The following ARHGEF10 variants were observed in gnomAD, a reference collection of about 807,000 sequenced individuals.
The protein encoded by ARHGEF10 is Rho guanine nucleotide exchange factor (GEF) 10.
In ARHGEF10, 140 loss-of-function variants were observed where a neutral mutation model predicts 147.4. That is an observed-to-expected ratio of 0.95 (90% CI 0.83 to 1.09). The LOEUF (loss-of-function observed/expected upper bound fraction) is 1.09. ARHGEF10 is among the 50% of genes least tolerant of loss of function. The pLI, the probability that ARHGEF10 is intolerant of heterozygous loss-of-function variation, is 0.00. For synonymous variants in ARHGEF10, 902 were observed against 695.8 expected, an observed-to-expected ratio of 1.30 and a Z score of -4.67; for missense variants, 2,222 against 1,752.7, an observed-to-expected ratio of 1.27 and a Z score of -4.78.
chr8:1,873,944 G>A (rs1200792844), intron 7 of ARHGEF10, among the ~76,000 whole-genome samples: 1 of 152,050 alleles, frequency 6.6e-6, no homozygotes, highest in Non-Finnish European at 1.5e-5. Flanking sequence ...CATTAGGTAC[G>A]CTCACTGTAC....
At chr8:1,878,871 C>T (rs917826752) in intron 8 of ARHGEF10, among the ~76,000 whole-genome samples, 1 of 152,038 alleles carries the variant, frequency 6.6e-6, no homozygotes, top group Non-Finnish European at 1.5e-5. Flanking sequence ...GTTTGTGGTG[C>T]AGAATTACAA....
chr8:1,865,102 C>T (rs1473546448), intron 5 of ARHGEF10, among the ~76,000 whole-genome samples: 1 of 152,182 alleles, frequency 6.6e-6, no homozygotes, highest in East Asian at 1.9e-4. Flanking sequence ...AATAGTGTTT[C>T]TGTTTGATTC....
chr8:1,891,620 T>C (rs1441991709), intron 11 of ARHGEF10, among the ~76,000 whole-genome samples: 1 of 152,168 alleles, frequency 6.6e-6, no homozygotes, highest in Admixed American at 6.5e-5. Context: ...GCCCTGGCTT[T>C]GTCCAGTTGC....
At chr8:1,845,283 C>G (rs1238615202) in intron 2 of ARHGEF10, among the ~76,000 whole-genome samples, 2 of 149,536 alleles carry the variant, frequency 1.3e-5, no homozygotes, top group African/African-American at 5.0e-5. Flanking sequence ...GGGCGGCTGT[C>G]CCTCCAGGGG....
At chr8:1,921,240 A>G (rs182305885) in intron 18 of ARHGEF10, among the ~76,000 whole-genome samples, 1 of 152,232 alleles carries the variant, frequency 6.6e-6, no homozygotes, top group African/African-American at 2.4e-5. Flanking sequence ...TGGTTATGCT[A>G]CTCCTCAGTT....
intron 3 of ARHGEF10, among the ~76,000 whole-genome samples, chr8:1,858,319 G>A (rs1453380354): frequency 2.0e-5 from 3 of 152,136 alleles, no homozygotes; most frequent in African/African-American, 2.4e-5. Flanking sequence ...CTCAGCCATC[G>A]GACTCGCCGA....
rs148386025 is a variant in ARHGEF10, at chr8:1,928,669, G to C, written c.2921+19G>C. 2.5e-6 allele frequency: 4 copies of C among 1,612,858 alleles called. No homozygotes were observed. Among genetic ancestry groups the C allele is most frequent in the Non-Finnish European group, 3.4e-6 (4 of 1,179,270 alleles). ...AGGGAAGGTAGGGCATGCTCACTGC[G>C]TTACAGAGAATTAGCAAGCTCTGCC... On this transcript the variant is annotated intron_variant, in intron 24 of 28. Transcript: ENST00000349830.
intron 11 of ARHGEF10, among the ~76,000 whole-genome samples, chr8:1,893,068 C>A (rs146956713): frequency 0.011 from 1,143 of 105,930 alleles, 24 homozygotes; most frequent in Admixed American, 0.072. Flanking sequence ...ATAGGTAGAT[C>A]TTTGGATGGT....
At chr8:1,838,121 G>A (rs1455788941) in intron 1 of ARHGEF10, among the ~76,000 whole-genome samples, 4 of 152,208 alleles carry the variant, frequency 2.6e-5, no homozygotes, top group Non-Finnish European at 5.9e-5. Context: ...CACCGTGGAA[G>A]GAACAGACCT....
chr8:1,911,004 C>T (rs191024309), intron 18 of ARHGEF10, among the ~76,000 whole-genome samples: 1 of 152,150 alleles, frequency 6.6e-6, no homozygotes, highest in Non-Finnish European at 1.5e-5. Context: ...CAGGGTGATT[C>T]AACCCATTTT....
rs779682833 is a variant in ARHGEF10 at position 1,952,713 on chromosome 8, C to A, written c.3406C>A (p.Arg1136=). 107 of 1,612,608 alleles carry A rather than the reference C, an allele frequency of 6.6e-5. 1 individual carries two copies. Among genetic ancestry groups the A allele is most frequent in the Non-Finnish European group, 8.8e-5 (104 of 1,179,882 alleles). Residue 1136 remains arginine (R), a synonymous_variant, in exon 28 of 29, where the codon CGG becomes AGG. Coordinates refer to ENST00000349830, the MANE Select transcript of ARHGEF10 (RefSeq NM_014629.4). ...CATGTCTTTCCGCCCAGGGCACCAG[C>A]GGCTGTCGGTGACGAGCCTGCTCGT... ...PVHNMLPGHQ[R]LSVTSLLVCH...
chr8:1,928,758 C>G, intron 24 of ARHGEF10, 108 bp downstream of exon 24: 1 of 1,297,444 alleles, frequency 7.7e-7, no homozygotes, highest in Non-Finnish European at 1.1e-6. Context: ...AGGAGTAGCC[C>G]GTGCAGGAAT....
At chr8:1,890,290 G>T (rs181469291) in intron 11 of ARHGEF10, among the ~76,000 whole-genome samples, 4 of 148,762 alleles carry the variant, frequency 2.7e-5, no homozygotes, top group African/African-American at 1.0e-4. Context: ...TGGGGTGAGG[G>T]TTCTGAGGAG....
intron 27 of ARHGEF10, among the ~76,000 whole-genome samples, chr8:1,950,936 C>T (rs978794423): frequency 3.3e-5 from 5 of 152,128 alleles, no homozygotes; most frequent in African/African-American, 7.2e-5. Flanking sequence ...TTCCAGAAGC[C>T]GGGCCATCGT....
intron 15 of ARHGEF10, among the ~76,000 whole-genome samples, chr8:1,899,862 AG>A (rs1384697835): frequency 7.9e-5 from 12 of 152,308 alleles, no homozygotes; most frequent in African/African-American, 2.6e-4. Flanking sequence ...CTTGGGAGGA[AG>A]GGGGTCAGGC....
At chr8:1,953,799 C>T (rs1008238902) in intron 28 of ARHGEF10, among the ~76,000 whole-genome samples, 2 of 152,128 alleles carry the variant, frequency 1.3e-5, no homozygotes, top group Non-Finnish European at 2.9e-5. Context: ...TTCAGTAAAC[C>T]ACAGCCTTAG....
At chr8:1,893,717 A>G (rs1809737023) in intron 12 of ARHGEF10, 71 bp downstream of exon 12, 10 of 1,220,734 alleles carry the variant, frequency 8.2e-6, no homozygotes, top group South Asian at 1.2e-5. Context: ...ATTTTGATCC[A>G]TAAATGCAAA....
chr8:1,877,000 A>G (rs963733806), intron 8 of ARHGEF10, among the ~76,000 whole-genome samples: 1 of 152,254 alleles, frequency 6.6e-6, no homozygotes, highest in Non-Finnish European at 1.5e-5. Flanking sequence ...ATAAGAAAGT[A>G]GTTATTCTCT....
intron 1 of ARHGEF10, 102 bp from the exon 2 acceptor site, chr8:1,843,247 CAGTT>C (rs2057541164): frequency 1.8e-5 from 14 of 778,228 alleles, no homozygotes; most frequent in Non-Finnish European, 2.6e-5. Flanking sequence ...CTAGTAATGA[CAGTT>C]AGCTCTTCCT....
Sources: allele counts gnomAD v4.1 joint callset (sites outside exome capture counted in the v4.1 genomes callset), GRCh38; gene constraint gnomAD v4.1.1; transcripts MANE v1.5; gene names NCBI Gene and HGNC (gene_info 2026-07-23, HGNC 2026-07-21).